The following GALC variants were observed in gnomAD, a reference collection of about 807,000 sequenced individuals.
The protein encoded by GALC is galactocerebrosidase.
A neutral mutation model predicts 91.8 loss-of-function variants in GALC; 77 were observed. The ratio of observed to expected loss-of-function variants is 0.84; its 90% CI spans 0.70 to 1.01. GALC has a LOEUF of 1.01. GALC is among the 50% of genes least tolerant of loss of function. GALC has a pLI of 0.00. For missense variants in GALC, 882 were observed against 855.9 expected (o/e 1.03, Z -0.38); for synonymous variants, 357 against 306.7 (o/e 1.16, Z -1.71).
chr14:87,934,957 CACT>C, intron 16 of GALC, 79 bp from the exon 17 acceptor site: 1 of 1,023,190 alleles, frequency 9.8e-7, no homozygotes, highest in Non-Finnish European at 1.5e-6. Context: ...ATGTATGGCC[CACT>C]ACTTAGTGGA....
At chr14:87,957,479 C>T (rs1885605853) in intron 10 of GALC, among the ~76,000 whole-genome samples, 1 of 152,106 alleles carries the variant, frequency 6.6e-6, no homozygotes, top group Non-Finnish European at 1.5e-5. Context: ...CTATATGTTG[C>T]TATCCAATTT....
chr14:87,969,325 A>C (rs1388638213), intron 7 of GALC, among the ~76,000 whole-genome samples: 1 of 152,192 alleles, frequency 6.6e-6, no homozygotes, highest in Non-Finnish European at 1.5e-5. Flanking sequence ...GAAAATATCA[A>C]TAGTGCAGCA....
rs1308036871 is a variant in GALC at position 87,993,106 on chromosome 14, G to A, written c.59C>T (p.Ala20Val). The A allele has an allele frequency of 6.3e-7, 1 of 1,588,434 alleles. No individual in the cohort carries two copies. Among genetic ancestry groups the A allele is most frequent in the South Asian group, 1.1e-5 (1 of 87,844 alleles). Reference protein sequence around the residue: ...WQRRAKAMTAAAGSAGRAAVP... With the variant: ...WQRRAKAMTAVAGSAGRAAVP... ...CGCGGCGCGGCCCGCCGAACCCGCG[G>A]CCGCAGTCATAGCTTTCGCTCGGCG... The change falls in exon 1 of 17, where the codon GCC becomes GTC. Residue 20 changes from alanine to valine, a missense_variant. By Grantham distance (64) the Ala-to-Val change is moderately conservative. Transcript: ENST00000261304.
At chr14:87,958,770 C>A (rs1364620615) in intron 10 of GALC, among the ~76,000 whole-genome samples, 2 of 152,064 alleles carry the variant, frequency 1.3e-5, no homozygotes, top group Non-Finnish European at 2.9e-5. Context: ...CCATAAACAG[C>A]ACTGGGAAAA....
At chr14:87,956,153 G>A (rs1184468273) in intron 10 of GALC, among the ~76,000 whole-genome samples, 1 of 152,000 alleles carries the variant, frequency 6.6e-6, no homozygotes, top group African/African-American at 2.4e-5. Context: ...GTAACTTACA[G>A]TGAGGTGTGA....
chr14:87,979,185 C>A (rs552917242), intron 6 of GALC, among the ~76,000 whole-genome samples: 1 of 151,894 alleles, frequency 6.6e-6, no homozygotes, highest in Non-Finnish European at 1.5e-5. Flanking sequence ...CCACCATGCC[C>A]GGCTAATTTT....
intron 7 of GALC, 62 bp downstream of exon 7, chr14:87,976,296 A>G (rs1452505685): frequency 4.4e-6 from 7 of 1,586,136 alleles, no homozygotes; most frequent in Non-Finnish European, 6.0e-6. Context: ...CAAGAAAAAG[A>G]TAGTCAATAC....
chr14:87,962,526 C>G (rs1267984262), intron 10 of GALC, among the ~76,000 whole-genome samples: 1 of 151,364 alleles, frequency 6.6e-6, no homozygotes, highest in Non-Finnish European at 1.5e-5. Context: ...TTTTAAGAGT[C>G]TATGGTCAGG....
chr14:87,964,049 TTTCAA>T (rs1885924980), intron 9 of GALC, among the ~76,000 whole-genome samples: 2 of 152,096 alleles, frequency 1.3e-5, no homozygotes, highest in African/African-American at 4.8e-5. Context: ...GGGCCAACAA[TTTCAA>T]CATTCAAGGC....
At chr14:87,944,201 T>C (rs999982584) in intron 14 of GALC, among the ~76,000 whole-genome samples, 15 of 151,904 alleles carry the variant, frequency 9.9e-5, no homozygotes, top group Admixed American at 9.8e-4. Context: ...GGGGAGTAAA[T>C]CTTTGGATGG....
intron 10 of GALC, chr14:87,955,300 T>G: frequency 1.6e-6 from 1 of 630,408 alleles, no homozygotes; most frequent in Non-Finnish European, 2.8e-6. Context: ...TTTGGATTTT[T>G]TATTAAATAC....
intron 10 of GALC, chr14:87,955,170 C>T: frequency 7.7e-7 from 1 of 1,300,128 alleles, no homozygotes; most frequent in Non-Finnish European, 1.1e-6. Flanking sequence ...TTTATCCTGA[C>T]ACTGTAAAGC....
chr14:87,963,565 C>A, intron 9 of GALC, 54 bp from the exon 10 acceptor site: 2 of 1,461,102 alleles, frequency 1.4e-6, no homozygotes, highest in Non-Finnish European at 1.9e-6. Context: ...AATAGTATTT[C>A]TTTTGGGAAA....
chr14:87,947,021 C>A (rs566854623), intron 13 of GALC, among the ~76,000 whole-genome samples: 1 of 151,920 alleles, frequency 6.6e-6, no homozygotes, highest in Non-Finnish European at 1.5e-5. Flanking sequence ...GCAATGCCAG[C>A]TCCCTCCCTA....
chr14:87,955,219 T>C (rs1885477737), intron 10 of GALC: 15 of 1,057,962 alleles, frequency 1.4e-5, no homozygotes, highest in South Asian at 2.5e-5. Flanking sequence ...GAGGAAGAAA[T>C]GGCAGGCATT....
At chr14:87,952,539 C>A in intron 10 of GALC, 2 of 830,720 alleles carry the variant, frequency 2.4e-6, no homozygotes, top group Non-Finnish European at 4.0e-6. Flanking sequence ...TGTTGCTCCA[C>A]TAAAAATGAC....
At chr14:87,945,340 T>G (rs1315486225) in intron 14 of GALC, among the ~76,000 whole-genome samples, 1 of 152,046 alleles carries the variant, frequency 6.6e-6, no homozygotes, top group African/African-American at 2.4e-5. Context: ...CACTATTAAA[T>G]AGGGCAAAAA....
intron 14 of GALC, among the ~76,000 whole-genome samples, chr14:87,941,884 G>A (rs920245928): frequency 6.6e-6 from 1 of 151,786 alleles, no homozygotes. Context: ...TGCTACTATT[G>A]TCTATGAACA....
chr14:87,954,124 C>A lies in GALC; in HGVS notation c.1162-3376G>T, dbSNP rs1453449987. The A allele has an allele frequency of 1.9e-6, 3 of 1,608,342 alleles. No homozygotes were observed. In the African/African-American group the frequency reaches 4.0e-5, roughly 22 times the overall value. On this transcript the variant is annotated intron_variant, in intron 10 of 16. Coordinates refer to ENST00000261304, the MANE Select transcript of GALC (RefSeq NM_000153.4). The stretch of plus-strand genomic sequence containing the variant: ...TCATCTATTCAGCCTGAAGAATATT[C>A]CAGTGTAGTTAGTGATGTTGTACTT...
Sources: allele counts gnomAD v4.1 joint callset (sites outside exome capture counted in the v4.1 genomes callset), GRCh38; gene constraint gnomAD v4.1.1; transcripts MANE v1.5; gene names NCBI Gene and HGNC (gene_info 2026-07-23, HGNC 2026-07-21).